The following C9orf40 variants were observed in gnomAD, a reference collection of about 807,000 sequenced individuals.
C9orf40 encodes uncharacterized protein C9orf40.
C9orf40 carries 2 observed loss-of-function variants against 7.9 expected under a neutral mutation model. The observed-to-expected ratio is 0.25, with a 90% CI of 0.10 to 0.80. C9orf40 has a LOEUF of 0.80. Among genes scored for constraint, C9orf40 ranks in the 30% least tolerant of loss-of-function variants. The probability of loss-of-function intolerance (pLI) is 0.68; values close to 1 mark genes in which losing one functional copy is unlikely to be tolerated. For missense variants in C9orf40, 256 were observed against 268.5 expected (o/e 0.95, Z 0.33); for synonymous variants, 113 against 117.6 (o/e 0.96, Z 0.25).
In C9orf40 at chr9:74,952,637, G is replaced by T. The variant is rs749005693; in HGVS notation, c.-26C>A. On this transcript the variant is annotated 5_prime_UTR_variant, in exon 1 of 2. Coordinates refer to ENST00000376854, the MANE Select transcript of C9orf40 (RefSeq NM_017998.3). This position sits in a 1 kb window ranked among gnomAD's most constrained non-coding sequence, Gnocchi z 5.4. The stretch of plus-strand genomic sequence containing the variant: ...GGGCCCAGAGGCTCGGGCGGAGCCC[G>T]CCAGGCGCGGGAGACCGAGTGCCGA... 1 of 1,521,556 alleles carries T rather than the reference G, an allele frequency of 6.6e-7. No individual in the cohort carries two copies. The highest frequency in any genetic ancestry group is 1.2e-5 in the South Asian group (1 of 82,314). 94.3% of individuals were successfully genotyped at this position (1,521,556 alleles called of 1,614,324 possible).
intron 1 of C9orf40, among the ~76,000 whole-genome samples, chr9:74,951,043 C>A (rs1832289225): frequency 6.6e-6 from 1 of 152,134 alleles, no homozygotes; most frequent in Admixed American, 6.5e-5. Context: ...ATTTTATCTT[C>A]ATTTATTAAA....
At position 74,947,193 on chromosome 9, in the gene C9orf40, G is replaced by A. The variant is rs1391713947; in HGVS notation, c.*855C>T. On this transcript the variant is annotated 3_prime_UTR_variant, in exon 2 of 2. Coordinates refer to ENST00000376854, the MANE Select transcript of C9orf40 (RefSeq NM_017998.3). ...AACAGGACAGGTGTTTAAAAAAATA[G>A]TTATATCCAAGACCCACCTCAGAAC... The A allele has an allele frequency of 6.6e-6, 1 of 152,624 alleles. No individual in the cohort carries two copies. The highest frequency in any genetic ancestry group is 1.5e-5 in the Non-Finnish European group (1 of 68,044). The allele number at this position is 152,624 out of a possible 1,614,324, so 9.5% of individuals were successfully genotyped here. A position where few individuals can be genotyped will look rare whatever the true frequency, so the allele number is the denominator to read the frequency against.
Position 74,952,707 on chromosome 9 carries a change from G to A in C9orf40, c.-96C>T. On this transcript the variant is annotated 5_prime_UTR_variant, in exon 1 of 2. Coordinates refer to ENST00000376854, the MANE Select transcript of C9orf40 (RefSeq NM_017998.3). The surrounding 1 kb of genome is among the most constrained non-coding windows in gnomAD (Gnocchi z 5.4). The stretch of plus-strand genomic sequence containing the variant: ...GCGAGGACTGAGCGCGTGAGAGAGG[G>A]ACAGGCCGAAGTCGGGCGAGGAGGC... 2 of 1,212,752 alleles carry A rather than the reference G, an allele frequency of 1.6e-6. No homozygotes were observed. The highest frequency in any genetic ancestry group is 1.6e-5 in the African/African-American group (1 of 63,544). 75.1% of individuals were successfully genotyped at this position (1,212,752 alleles called of 1,614,324 possible). A position where few individuals can be genotyped will look rare whatever the true frequency, so the allele number is the denominator to read the frequency against.
intron 1 of C9orf40, among the ~76,000 whole-genome samples, chr9:74,950,297 C>A (rs1045136549): frequency 2.0e-5 from 3 of 152,338 alleles, no homozygotes. Context: ...CCGTTTCAGG[C>A]TACTAGAGAA....
chr9:74,950,745 G>A (rs939859736), intron 1 of C9orf40, among the ~76,000 whole-genome samples: 2 of 152,098 alleles, frequency 1.3e-5, no homozygotes, highest in Admixed American at 6.5e-5. Context: ...ATAGAAAAAC[G>A]TTGGGAGGAT....
chr9:74,947,462 A>C lies in C9orf40; in HGVS notation c.*586T>G, dbSNP rs1195407650. The C allele has an allele frequency of 6.6e-6, 1 of 152,632 alleles. No homozygotes were observed. The highest frequency in any genetic ancestry group is 1.5e-5 in the Non-Finnish European group (1 of 68,040). The allele number at this position is 152,632 out of a possible 1,614,324, so 9.5% of individuals were successfully genotyped here. On this transcript the variant is annotated 3_prime_UTR_variant, in exon 2 of 2. Transcript: ENST00000376854. ...AGTTGCCCATAGTAGAGCTTAACCA[A>C]CATCAAATATTGGAAGCTTTGCAAA... is the stretch of plus-strand genomic sequence containing the variant.
chr9:74,952,529 G>A lies in C9orf40; in HGVS notation c.83C>T (p.Pro28Leu), dbSNP rs537790414. The change falls in exon 1 of 2, where the codon CCG (proline) becomes CTG (leucine). Residue 28 changes from proline to leucine, a missense_variant. Pro to Leu is a moderately conservative substitution (Grantham distance 98). Transcript: ENST00000376854. This position sits in a 1 kb window ranked among gnomAD's most constrained non-coding sequence, Gnocchi z 5.4. The part of the protein sequence containing the change: ...RLLLCDFAEQ[P>L]PPPPLWIRPP... ...CCGGATCCAGAGAGGCGGTGGCGGC[G>A]GCTGCTCAGCGAAGTCGCAAAGCAG... The A allele has an allele frequency of 1.3e-6, 2 of 1,588,936 alleles. No individual in the cohort carries two copies. Among genetic ancestry groups the A allele is most frequent in the Non-Finnish European group, 1.7e-6 (2 of 1,176,194 alleles).
Position 74,952,851 on chromosome 9 carries a change from T to G in C9orf40, c.-240A>C. On this transcript the variant is annotated 5_prime_UTR_variant, in exon 1 of 2. Transcript: ENST00000376854. This position sits in a 1 kb window ranked among gnomAD's most constrained non-coding sequence, Gnocchi z 5.4. ...CGCCGCCGAGATGCGGCCCGGACGT[T>G]GAGAAGCAACCGCGAAGCGGCGGAG... 1 of 473,112 alleles carries G rather than the reference T, an allele frequency of 2.1e-6. No homozygotes were observed. Among genetic ancestry groups the G allele is most frequent in the Middle Eastern group, 5.4e-4 (1 of 1,838 alleles). 29.3% of individuals were successfully genotyped at this position (473,112 alleles called of 1,614,324 possible). A position where few individuals can be genotyped will look rare whatever the true frequency, so the allele number is the denominator to read the frequency against.
At chr9:74,951,967 G>C (rs1436758905) in intron 1 of C9orf40, among the ~76,000 whole-genome samples, 1 of 152,188 alleles carries the variant, frequency 6.6e-6, no homozygotes, top group African/African-American at 2.4e-5. Context: ...TCCCGACCAC[G>C]GTCTGTTTCC....
Position 74,948,149 on chromosome 9 carries a change from G to A in C9orf40, c.484C>T (p.Pro162Ser). The A allele has an allele frequency of 8.7e-6, 14 of 1,613,516 alleles. No homozygotes were observed. Among genetic ancestry groups the A allele is most frequent in the Non-Finnish European group, 1.1e-5 (13 of 1,179,494 alleles). Residue 162 changes from proline (P) to serine (S), a missense_variant, in exon 2 of 2, where the codon CCT becomes TCT. By Grantham distance (74) the Pro-to-Ser change is moderately conservative. Transcript: ENST00000376854. The stretch of plus-strand genomic sequence containing the variant: ...TCTTCAATGTCTGCCAGATCAATAG[G>A]AGGCAAAGGATTCCTCCAGTACTGG... ...TFQYWRNPLP[P>S]IDLADIEDLS...
rs781585355 is a variant in C9orf40 at position 74,948,189 on chromosome 9, C to A, written c.444G>T (p.Trp148Cys). Residue 148 changes from tryptophan to cysteine, a missense_variant, in exon 2 of 2, where the codon TGG becomes TGT. By Grantham distance (215) the Trp-to-Cys change is radical (BLOSUM62 -2). Transcript: ENST00000376854. ...TCCAGTACTGGAAGGTATTATACTG[C>A]CAAAATTCTTCATTGTGCTTTAGAG... ...VASRQHNEEF[W>C]QYNTFQYWRN... is the part of the protein sequence containing the mutation. The A allele has an allele frequency of 1.2e-6, 2 of 1,603,702 alleles. No individual in the cohort carries two copies. The highest frequency in any genetic ancestry group is 1.1e-5 in the South Asian group (1 of 89,298).
Position 74,952,907 on chromosome 9 carries a change from C to CA in C9orf40, c.-297dup, listed in dbSNP as rs1249975272. 5.2e-6 allele frequency: 2 copies of CA among 382,086 alleles called. No individual in the cohort carries two copies. The highest frequency in any genetic ancestry group is 9.4e-6 in the Non-Finnish European group (2 of 212,194). The allele number at this position is 382,086 out of a possible 1,614,324, so 23.7% of individuals were successfully genotyped here. ...AACCTGCGCACAACGTGCGCGCGCG[C>CA]ACTCTGTCTGGCCAGGCGGAGCCGC... On this transcript the variant is annotated 5_prime_UTR_variant, in exon 1 of 2. Transcript: ENST00000376854. The surrounding 1 kb of genome is among the most constrained non-coding windows in gnomAD (Gnocchi z 5.4).
At chr9:74,950,267 C>T (rs147244262) in intron 1 of C9orf40, among the ~76,000 whole-genome samples, 1 of 152,322 alleles carries the variant, frequency 6.6e-6, no homozygotes, top group African/African-American at 2.4e-5. Flanking sequence ...AGAGTTGAGT[C>T]TAAGACTAAG....
chr9:74,952,839 C>T lies in C9orf40; in HGVS notation c.-228G>A. The stretch of plus-strand genomic sequence containing the variant: ...CTCAGCCCTCGCCGCCGCCGAGATG[C>T]GGCCCGGACGTTGAGAAGCAACCGC... On this transcript the variant is annotated 5_prime_UTR_variant, in exon 1 of 2. Coordinates refer to ENST00000376854, the MANE Select transcript of C9orf40 (RefSeq NM_017998.3). The surrounding 1 kb of genome is among the most constrained non-coding windows in gnomAD (Gnocchi z 5.4). 2.1e-6 allele frequency: 1 copy of T among 481,786 alleles called. No homozygotes were observed. Among genetic ancestry groups the T allele is most frequent in the Non-Finnish European group, 3.6e-6 (1 of 274,494 alleles). 29.8% of individuals were successfully genotyped at this position (481,786 alleles called of 1,614,324 possible). A position where few individuals can be genotyped will look rare whatever the true frequency, so the allele number is the denominator to read the frequency against.
Position 74,952,176 on chromosome 9 carries a change from C to CCCCCCCCAACA in C9orf40, c.426+9_426+10insTGTTGGGGGGG. On this transcript the variant is annotated intron_variant, in intron 1 of 1. Coordinates refer to ENST00000376854, the MANE Select transcript of C9orf40 (RefSeq NM_017998.3). This position sits in a 1 kb window ranked among gnomAD's most constrained non-coding sequence, Gnocchi z 5.4. ...CTTCGCCCCTCAGCCCACCCGCCCC[C>CCCCCCCCAACA]AGCCCCTACCTGGCGCGATGCGACC... The CCCCCCCCAACA allele has an allele frequency of 8.1e-6, 5 of 616,342 alleles. No individual in the cohort carries two copies. The highest frequency in any genetic ancestry group is 4.7e-5 in the Admixed American group (1 of 21,494). The allele number at this position is 616,342 out of a possible 1,614,324, so 38.2% of individuals were successfully genotyped here. A position where few individuals can be genotyped will look rare whatever the true frequency, so the allele number is the denominator to read the frequency against.
Position 74,947,018 on chromosome 9 carries a change from T to C in C9orf40, c.*1030A>G, listed in dbSNP as rs1344442703. ...AAATAGTAATAACACAATAATTCAGTTGTAACAAAGCCACCAACAGAGCAA... is the reference window on the plus strand; with the variant it reads ...AAATAGTAATAACACAATAATTCAGCTGTAACAAAGCCACCAACAGAGCAA... On this transcript the variant is annotated 3_prime_UTR_variant, in exon 2 of 2. Transcript: ENST00000376854. 5 of 152,174 alleles carry C rather than the reference T, an allele frequency of 3.3e-5. No homozygotes were observed. Among genetic ancestry groups the C allele is most frequent in the Non-Finnish European group, 5.9e-5 (4 of 68,012 alleles). The allele number at this position is 152,174 out of a possible 1,614,324, so 9.4% of individuals were successfully genotyped here.
chr9:74,952,595 G>A lies in C9orf40; in HGVS notation c.17C>T (p.Ala6Val). The A allele has an allele frequency of 1.9e-6, 3 of 1,568,122 alleles. No homozygotes were observed. The highest frequency in any genetic ancestry group is 2.7e-5 in the African/African-American group (2 of 73,236). The change falls in exon 1 of 2, where the codon GCG becomes GTG. Residue 6 changes from alanine to valine, a missense_variant. Physicochemically the swap from Ala to Val is moderately conservative, Grantham distance 64 (BLOSUM62 0). Coordinates refer to ENST00000376854, the MANE Select transcript of C9orf40 (RefSeq NM_017998.3). This position sits in a 1 kb window ranked among gnomAD's most constrained non-coding sequence, Gnocchi z 5.4. MAKRR[A>V]AEPVTFHVPW... ...CACGTGGAACGTCACCGGCTCGGCC[G>A]CACGCCGCTTGGCCATGGGCCCAGA...
At position 74,947,606 on chromosome 9, in the gene C9orf40, T is replaced by G. The variant is rs1045759379; in HGVS notation, c.*442A>C. ...CATAGATGTTCAAGTCAGCTATTTG[T>G]TCAACTAACAGAGTCAATAGAATGT... On this transcript the variant is annotated 3_prime_UTR_variant, in exon 2 of 2. Coordinates refer to ENST00000376854, the MANE Select transcript of C9orf40 (RefSeq NM_017998.3). 3.3e-5 allele frequency: 5 copies of G among 152,948 alleles called. No homozygotes were observed. Among genetic ancestry groups the G allele is most frequent in the African/African-American group, 1.2e-4 (5 of 41,484 alleles). The allele number at this position is 152,948 out of a possible 1,614,324, so 9.5% of individuals were successfully genotyped here. A position where few individuals can be genotyped will look rare whatever the true frequency, so the allele number is the denominator to read the frequency against.
In C9orf40 at chr9:74,952,488, G is replaced by A. The variant is rs1370582503; in HGVS notation, c.124C>T (p.His42Tyr). 6.3e-7 allele frequency: 1 copy of A among 1,596,378 alleles called. No homozygotes were observed. The highest frequency in any genetic ancestry group is 1.7e-5 in the Admixed American group (1 of 59,610). ...GGGACGCCGAGGAGCTGCCCAGCAT[G>A]CGCGACCCCGGGCGGCCGGATCCAG... ...PLWIRPPGVA[H>Y]AGQLLGVPEQ... Residue 42 changes from histidine (H) to tyrosine (Y), a missense_variant, in exon 1 of 2, where the codon CAT becomes TAT. His to Tyr is a moderately conservative substitution (Grantham distance 83). Transcript: ENST00000376854. This position sits in a 1 kb window ranked among gnomAD's most constrained non-coding sequence, Gnocchi z 5.4.
Sources: gnomAD v4.1 joint callset for allele counts (sites outside exome capture counted in the v4.1 genomes callset) on GRCh38, gnomAD v4.1.1 for gene constraint, Gnocchi (gnomAD v3.1) non-coding constraint, MANE v1.5 for transcripts, NCBI Gene and HGNC (gene_info 2026-07-23, HGNC 2026-07-21) for gene names.